Variants in HIVEP1 observed in about 807,000 individuals in gnomAD.
The protein encoded by HIVEP1 is HIVEP zinc finger 1, also known as zinc finger protein 40.
In HIVEP1, 36 loss-of-function variants were observed where a neutral mutation model predicts 180.0. The observed-to-expected ratio is 0.20, with a 90% CI of 0.15 to 0.26. The LOEUF is 0.26. Among genes scored for constraint, HIVEP1 ranks in the 10% least tolerant of loss-of-function variants. The probability of loss-of-function intolerance (pLI) is 1.00; values close to 1 mark genes in which losing one functional copy is unlikely to be tolerated. For synonymous variants in HIVEP1, 1,239 were observed against 1,239.0 expected, an observed-to-expected ratio of 1.00 and a Z score of 0.00; for missense variants, 3,143 against 3,268.7, an observed-to-expected ratio of 0.96 and a Z score of 0.94.
chr6:12,194,425 C>A, the HIVEP1 span, among the ~76,000 whole-genome samples: 1 of 152,066 alleles, frequency 6.6e-6, no homozygotes, highest in Non-Finnish European at 1.5e-5. Context: ...AGTGCTACAG[C>A]ACTGACCATT....
chr6:12,078,605 T>TAA (rs70981660), intron 2 of HIVEP1, among the ~76,000 whole-genome samples: 1 of 134,334 alleles, frequency 7.4e-6, no homozygotes, highest in Non-Finnish European at 1.6e-5. Flanking sequence ...GAGTCCTCCT[T>TAA]AAAAAAAAAA....
intron 3 of HIVEP1, among the ~76,000 whole-genome samples, chr6:12,116,423 C>T (rs956117693): frequency 6.6e-6 from 1 of 152,064 alleles, no homozygotes; most frequent in Non-Finnish European, 1.5e-5. Flanking sequence ...TATGGAGAGG[C>T]AGGCACCTTG....
Position 12,081,228 on chromosome 6 carries a change from C to T in HIVEP1, c.41-7956C>T, listed in dbSNP as rs74664812. ...TGTAAGAGTAGATGAAACCGCTGTG[C>T]AGATTGGAGACACCAAAAATGCATG... On this transcript the variant is annotated intron_variant, in intron 2 of 8. Transcript: ENST00000379388. 8.5e-3 allele frequency among the ~76,000 whole-genome samples: 1,301 copies of T among 152,252 alleles called. 8 individuals carry two copies. Among genetic ancestry groups the T allele is most frequent in the Admixed American group, 0.016 (241 of 15,284 alleles).
At chr6:12,023,947 T>C (rs1171476952) in intron 2 of HIVEP1, among the ~76,000 whole-genome samples, 2 of 152,226 alleles carry the variant, frequency 1.3e-5, no homozygotes, top group Admixed American at 1.3e-4. Context: ...TTTGAGCAAG[T>C]CTGGGCTAAA....
chr6:12,066,651 G>A (rs889766084), intron 2 of HIVEP1, among the ~76,000 whole-genome samples: 4 of 152,084 alleles, frequency 2.6e-5, no homozygotes, highest in African/African-American at 9.7e-5. Flanking sequence ...TGAATTTTTT[G>A]ACTGCTTAGA....
At chr6:12,045,491 A>G (rs752173132) in intron 2 of HIVEP1, among the ~76,000 whole-genome samples, 2 of 152,224 alleles carry the variant, frequency 1.3e-5, no homozygotes, top group African/African-American at 2.4e-5. Flanking sequence ...GAGGCCCAGG[A>G]CCACTGTGCT....
chr6:12,093,180 A>G (rs1270714354), intron 3 of HIVEP1, among the ~76,000 whole-genome samples: 2 of 152,144 alleles, frequency 1.3e-5, no homozygotes, highest in African/African-American at 4.8e-5. Flanking sequence ...AATGTCAAAC[A>G]TGTCTTCATT....
At chr6:12,208,673 C>A in the HIVEP1 span, among the ~76,000 whole-genome samples, 5 of 152,048 alleles carry the variant, frequency 3.3e-5, no homozygotes, top group Admixed American at 6.6e-5. Flanking sequence ...GTTTAAATGG[C>A]GTCCTTAGAA....
chr6:12,118,293 A>T (rs1294545883), intron 3 of HIVEP1, among the ~76,000 whole-genome samples: 1 of 152,210 alleles, frequency 6.6e-6, no homozygotes, highest in Non-Finnish European at 1.5e-5. Flanking sequence ...TAGTTATTAC[A>T]GTGTAGACAT....
intron 2 of HIVEP1, among the ~76,000 whole-genome samples, chr6:12,064,506 G>A (rs1437279678): frequency 1.3e-5 from 2 of 152,216 alleles, no homozygotes; most frequent in Admixed American, 6.5e-5. Flanking sequence ...CATTATTTCA[G>A]TAGTGGTGAT....
At chr6:12,076,219 A>G (rs1030788944) in intron 2 of HIVEP1, among the ~76,000 whole-genome samples, 1 of 152,212 alleles carries the variant, frequency 6.6e-6, no homozygotes, top group Non-Finnish European at 1.5e-5. Flanking sequence ...ATATCAGATT[A>G]TATTTGAATA....
chr6:12,107,039 T>C (rs750096802), intron 3 of HIVEP1, among the ~76,000 whole-genome samples: 3 of 152,236 alleles, frequency 2.0e-5, no homozygotes, highest in Non-Finnish European at 2.9e-5. Context: ...ATACTTTCTA[T>C]GTCCTCTTAA....
At chr6:12,159,832 T>C (rs1308553741) in intron 7 of HIVEP1, among the ~76,000 whole-genome samples, 2 of 152,240 alleles carry the variant, frequency 1.3e-5, no homozygotes, top group Non-Finnish European at 2.9e-5. Context: ...TTTTTAATTA[T>C]AAAAGTAGCA....
At chr6:12,179,314 C>G in the HIVEP1 span, among the ~76,000 whole-genome samples, 1 of 152,138 alleles carries the variant, frequency 6.6e-6, no homozygotes, top group African/African-American at 2.4e-5. Context: ...CATAATCAAG[C>G]AGGCTTGCAG....
At chr6:12,117,521 C>T (rs1006893831) in intron 3 of HIVEP1, among the ~76,000 whole-genome samples, 1 of 152,068 alleles carries the variant, frequency 6.6e-6, no homozygotes, top group Non-Finnish European at 1.5e-5. Context: ...TACAAGGTTA[C>T]AGTTTTTGTT....
intron 2 of HIVEP1, chr6:12,039,287 A>G (rs1769507127): frequency 6.6e-6 from 1 of 152,170 alleles, no homozygotes; most frequent in Non-Finnish European, 1.5e-5. Flanking sequence ...ACTTTTCTCT[A>G]CCAGTTTTCT....
rs762549384 is a variant in HIVEP1, at chr6:12,124,005, T to G, written c.4210T>G (p.Leu1404Val). The G allele has an allele frequency of 6.2e-7, 1 of 1,614,110 alleles. No homozygotes were observed. ...TPPQTTPLTELQPPSSPSRVG... is the reference protein window; with the variant it reads ...TPPQTTPLTEVQPPSSPSRVG... ...ACCCCAGACAACACCACTTACTGAATTGCAGCCTCCATCTTCACCTTCTCG... is the reference window on the plus strand; with the variant it reads ...ACCCCAGACAACACCACTTACTGAAGTGCAGCCTCCATCTTCACCTTCTCG... The change falls in exon 4 of 9, where the codon TTG (leucine) becomes GTG (valine). Residue 1404 changes from leucine (L) to valine (V), a missense_variant. Physicochemically the swap from Leu to Val is conservative, Grantham distance 32 (BLOSUM62 1). This residue lies in a region of HIVEP1 where 1,357 missense variants were observed against 1,260.5 expected (regional missense o/e 1.08). Coordinates refer to ENST00000379388, the MANE Select transcript of HIVEP1 (RefSeq NM_002114.4).
chr6:12,166,191 G>A (rs964118750), downstream of HIVEP1, among the ~76,000 whole-genome samples: 1 of 152,106 alleles, frequency 6.6e-6, no homozygotes, highest in Non-Finnish European at 1.5e-5. Flanking sequence ...ACTGTGTCAT[G>A]AACTTTTTAT....
intron 2 of HIVEP1, among the ~76,000 whole-genome samples, chr6:12,035,096 C>A (rs12525800): frequency 0.37 from 56,092 of 151,978 alleles, 11,825 homozygotes; most frequent in Non-Finnish European, 0.49. Flanking sequence ...TGTGTATGTA[C>A]CAGGATCTAT....
Sources: gnomAD v4.1 joint callset for allele counts (sites outside exome capture counted in the v4.1 genomes callset) on GRCh38, gnomAD v4.1.1 for gene constraint, gnomAD v4.1.1 regional missense constraint, MANE v1.5 for transcripts, NCBI Gene and HGNC (gene_info 2026-07-23, HGNC 2026-07-21) for gene names.